The following PHF20 variants were observed in gnomAD, a reference collection of about 807,000 sequenced individuals.
The protein encoded by PHF20 is glioma-expressed antigen 2.
In PHF20, 23 loss-of-function variants were observed where a neutral mutation model predicts 113.5. The observed-to-expected ratio is 0.20, with a 90% CI of 0.15 to 0.29. The LOEUF (loss-of-function observed/expected upper bound fraction) is 0.29, where lower values mean the gene tolerates loss of function less well. Ranked by LOEUF, PHF20 falls within the 10% of genes least tolerant of loss-of-function variation. The pLI, the probability that PHF20 is intolerant of heterozygous loss-of-function variation, is 1.00. For missense variants in PHF20, 943 were observed against 1,219.6 expected, an observed-to-expected ratio of 0.77 and a Z score of 3.38; for synonymous variants, 434 against 457.3, an observed-to-expected ratio of 0.95 and a Z score of 0.65.
intron 9 of PHF20, among the ~76,000 whole-genome samples, chr20:35,883,542 G>C (rs1284974687): frequency 6.6e-6 from 1 of 151,414 alleles, no homozygotes; most frequent in African/African-American, 2.4e-5. Flanking sequence ...GAGCTTCAGT[G>C]ATCCTCCCCA....
chr20:35,805,655 T>C (rs1036589763), intron 2 of PHF20, among the ~76,000 whole-genome samples: 2 of 151,678 alleles, frequency 1.3e-5, no homozygotes, highest in Non-Finnish European at 2.9e-5. Context: ...AATTTTTAAA[T>C]TTTTAGTAGA....
Position 35,915,801 on chromosome 20 carries a change from A to C in PHF20, c.1825+1604A>C, listed in dbSNP as rs115370700. Among the ~76,000 whole-genome samples, 1,354 of 152,306 alleles carry C rather than the reference A, an allele frequency of 8.9e-3. 22 individuals are homozygous for C. The highest frequency in any genetic ancestry group is 0.031 in the African/African-American group (1,296 of 41,554). ...TCTTGTTTTGATGTAATGTTCAAAA[A>C]TTTGAACTAGCAATACATTTCATTA... On this transcript the variant is annotated intron_variant, in intron 12 of 17. Transcript: ENST00000374012.
At chr20:35,813,174 GT>G (rs2042007439) in intron 2 of PHF20, among the ~76,000 whole-genome samples, 1 of 151,776 alleles carries the variant, frequency 6.6e-6, no homozygotes, top group African/African-American at 2.4e-5. Flanking sequence ...GTTTCACCCT[GT>G]TAGCCAGGAT....
rs1297325814 is a variant in PHF20 at position 35,859,947 on chromosome 20, GTC to G, written c.420+1570_420+1571del. Among the ~76,000 whole-genome samples, 5 of 152,194 alleles carry G rather than the reference GTC, an allele frequency of 3.3e-5. No individual in the cohort carries two copies. The East Asian group carries it at 9.7e-4, about 29-fold the overall frequency. Reference sequence around the variant, plus strand: ...TAAGTTGTGTTTTTTTTGAGACCGAGTCTCTGTCTGTCACCCAGACTGAAGTG... The same window carrying G: ...TAAGTTGTGTTTTTTTTGAGACCGAGTCTGTCTGTCACCCAGACTGAAGTG... On this transcript the variant is annotated intron_variant, in intron 5 of 17. Transcript: ENST00000374012.
At chr20:35,785,717 T>G (rs1019702460) in intron 1 of PHF20, among the ~76,000 whole-genome samples, 1 of 152,042 alleles carries the variant, frequency 6.6e-6, no homozygotes, top group Non-Finnish European at 1.5e-5. Context: ...AGTAATGATT[T>G]CATCTCCAAA....
intron 9 of PHF20, among the ~76,000 whole-genome samples, chr20:35,887,200 C>T (rs1000861410): frequency 1.3e-5 from 2 of 152,140 alleles, no homozygotes; most frequent in East Asian, 1.9e-4. Flanking sequence ...AAACATTACT[C>T]AAGTATATAT....
chr20:35,813,270 G>A (rs903936084), intron 2 of PHF20, among the ~76,000 whole-genome samples: 5 of 152,126 alleles, frequency 3.3e-5, no homozygotes, highest in Non-Finnish European at 5.9e-5. Flanking sequence ...ACCGCGCCCG[G>A]CCCATTTTTA....
chr20:35,909,219 T>C (rs1392116542), intron 10 of PHF20, among the ~76,000 whole-genome samples: 1 of 151,570 alleles, frequency 6.6e-6, no homozygotes, highest in Non-Finnish European at 1.5e-5. Context: ...CCCCATCAGC[T>C]TTTTAGGTTG....
intron 2 of PHF20, among the ~76,000 whole-genome samples, chr20:35,804,365 C>CT (rs1443502306): frequency 2.0e-5 from 3 of 151,642 alleles, no homozygotes; most frequent in Non-Finnish European, 4.4e-5. Flanking sequence ...TCCCGAGCAG[C>CT]TGGGACTACA....
rs10633976 is a variant in PHF20 at position 35,896,081 on chromosome 20, ATGTG to A, written c.1283-3259_1283-3256del. ...TGATTTTAAGGCATTATGCTTTGGG[ATGTG>A]TGTGTGTGTGTGTGTGTGTGTGTGT... On this transcript the variant is annotated intron_variant, in intron 9 of 17. Coordinates refer to ENST00000374012, the MANE Select transcript of PHF20 (RefSeq NM_016436.5). 7.0e-3 allele frequency among the ~76,000 whole-genome samples: 1,003 copies of A among 143,164 alleles called. 13 individuals carry two copies. Among genetic ancestry groups the A allele is most frequent in the African/African-American group, 0.021 (828 of 39,474 alleles). The allele number at this position is 143,164 out of a possible 152,430, so 93.9% of individuals were successfully genotyped here.
At chr20:35,790,770 A>G (rs17093092) in intron 1 of PHF20, among the ~76,000 whole-genome samples, 5,774 of 152,292 alleles carry the variant, frequency 0.038, 374 homozygotes, top group African/African-American at 0.13. Flanking sequence ...TGGCTTGGTT[A>G]TAATGGCTAA....
intron 6 of PHF20, 95 bp from the exon 7 acceptor site, chr20:35,869,343 C>CAT (rs1019870639): frequency 2.6e-5 from 15 of 574,096 alleles, no homozygotes; most frequent in African/African-American, 9.8e-5. Flanking sequence ...GTGATTTCTG[C>CAT]ATATATATAT....
chr20:35,941,644 T>C (rs1341840715), intron 17 of PHF20, among the ~76,000 whole-genome samples: 1 of 152,230 alleles, frequency 6.6e-6, no homozygotes, highest in Admixed American at 6.5e-5. Context: ...TGTTGAAATA[T>C]TCCCTAATTA....
At chr20:35,839,469 C>T (rs1347956301) in intron 2 of PHF20, among the ~76,000 whole-genome samples, 2 of 150,126 alleles carry the variant, frequency 1.3e-5, no homozygotes, top group African/African-American at 2.4e-5. Context: ...GAGAGGTTTA[C>T]TAGCCTCAGG....
At chr20:35,876,309 G>A (rs1792401924) in intron 9 of PHF20, among the ~76,000 whole-genome samples, 1 of 152,090 alleles carries the variant, frequency 6.6e-6, no homozygotes, top group African/African-American at 2.4e-5. Context: ...GGTGGCTCAT[G>A]CCTGTAATCC....
chr20:35,904,903 A>G (rs991044721), intron 10 of PHF20, among the ~76,000 whole-genome samples: 14 of 151,118 alleles, frequency 9.3e-5, no homozygotes, highest in Non-Finnish European at 1.9e-4. Flanking sequence ...TTGGCTCACC[A>G]CAACCTCCGC....
chr20:35,827,337 T>G (rs1204943945), intron 2 of PHF20, among the ~76,000 whole-genome samples: 1 of 152,222 alleles, frequency 6.6e-6, no homozygotes, highest in Non-Finnish European at 1.5e-5. Flanking sequence ...GCAAAGAATC[T>G]GGAAGCAGTC....
At chr20:35,881,099 C>T (rs1026216555) in intron 9 of PHF20, among the ~76,000 whole-genome samples, 1 of 129,870 alleles carries the variant, frequency 7.7e-6, no homozygotes, top group Non-Finnish European at 1.6e-5. Context: ...CTCTTGTCAC[C>T]CAGGCTGGAG....
At chr20:35,784,106 T>C (rs1186496280) in intron 1 of PHF20, among the ~76,000 whole-genome samples, 1 of 148,564 alleles carries the variant, frequency 6.7e-6, no homozygotes, top group African/African-American at 2.5e-5. Context: ...CAGGCTGGAG[T>C]GCAGTGGCAC....
Sources: gnomAD v4.1 joint callset for allele counts (sites outside exome capture counted in the v4.1 genomes callset) on GRCh38, gnomAD v4.1.1 for gene constraint, MANE v1.5 for transcripts, NCBI Gene and HGNC (gene_info 2026-07-23, HGNC 2026-07-21) for gene names.